Variants in WWOX observed in about 807,000 individuals in gnomAD.
The protein encoded by WWOX is WW domain-containing oxidoreductase.
WWOX carries 69 observed loss-of-function variants against 46.2 expected under a neutral mutation model. The ratio of observed to expected loss-of-function variants is 1.49; its 90% confidence interval spans 1.23 to 1.82. The LOEUF is 1.82. Ranked by LOEUF, WWOX falls within the 40% of genes most tolerant of loss-of-function variation. The pLI is 0.00. For missense variants in WWOX, 919 were observed against 542.6 expected, an observed-to-expected ratio of 1.69 and a Z score of -6.89; for synonymous variants, 359 against 202.6, an observed-to-expected ratio of 1.77 and a Z score of -6.56.
intron 8 of WWOX, among the ~76,000 whole-genome samples, chr16:78,689,077 A>G (rs12185154): frequency 0.36 from 54,570 of 151,706 alleles, 10,442 homozygotes; most frequent in African/African-American, 0.42. Context: ...AGGCTTGCAT[A>G]TGTCTTTATT....
intron 8 of WWOX, among the ~76,000 whole-genome samples, chr16:78,753,622 A>G (rs112079111): frequency 4.9e-4 from 74 of 151,500 alleles, no homozygotes; most frequent in African/African-American, 1.6e-3. Context: ...TAACATCATG[A>G]AATCCCATCT....
At chr16:78,826,960 C>G (rs2051674596) in intron 8 of WWOX, among the ~76,000 whole-genome samples, 1 of 152,260 alleles carries the variant, frequency 6.6e-6, no homozygotes, top group East Asian at 1.9e-4. Flanking sequence ...GAATATGTTT[C>G]TTCCTTGCCT....
chr16:78,537,253 G>C (rs2043781274), intron 8 of WWOX, among the ~76,000 whole-genome samples: 1 of 152,086 alleles, frequency 6.6e-6, no homozygotes, highest in Non-Finnish European at 1.5e-5. Flanking sequence ...TTGTCTGCCT[G>C]CCTCCCTGTC....
chr16:78,745,266 C>A (rs191455638), intron 8 of WWOX, among the ~76,000 whole-genome samples: 2 of 152,334 alleles, frequency 1.3e-5, no homozygotes, highest in African/African-American at 2.4e-5. Context: ...TTGAATCTTT[C>A]AGCAAGCTTT....
rs8046930 is a variant in WWOX, at chr16:79,094,666, A to G, written c.1057-116942A>G. 3.7e-3 allele frequency among the ~76,000 whole-genome samples: 561 copies of G among 152,210 alleles called. 3 individuals are homozygous for G. The highest frequency in any genetic ancestry group is 0.012 in the African/African-American group (506 of 41,518). Reference sequence around the variant, plus strand: ...TTTTTTTTTTAAGTTAGCATTTTCTAGAAGTTTTGGTATAAAATATGTACA... The same window carrying G: ...TTTTTTTTTTAAGTTAGCATTTTCTGGAAGTTTTGGTATAAAATATGTACA... On this transcript the variant is annotated intron_variant, in intron 8 of 8. Transcript: ENST00000566780.
chr16:78,775,664 G>A lies in WWOX; in HGVS notation c.1056+342912G>A, dbSNP rs564164993. Reference sequence around the variant, plus strand: ...TGTCTTTCTTATAGATGGGACAGGAGCCTTAGTAATATGGTGCGAGCAATG... The same window carrying A: ...TGTCTTTCTTATAGATGGGACAGGAACCTTAGTAATATGGTGCGAGCAATG... On this transcript the variant is annotated intron_variant, in intron 8 of 8. Coordinates refer to ENST00000566780, the MANE Select transcript of WWOX (RefSeq NM_016373.4). Among the ~76,000 whole-genome samples the A allele has an allele frequency of 9.9e-5, 15 of 152,282 alleles. No individual in the cohort carries two copies. In the South Asian group the frequency reaches 2.7e-3, roughly 27 times the overall value.
At chr16:78,756,919 G>T (rs1244540024) in intron 8 of WWOX, 2 of 702,992 alleles carry the variant, frequency 2.8e-6, no homozygotes, top group Admixed American at 2.0e-5. Flanking sequence ...CTGCCTTACT[G>T]ATGTGGATCA....
At chr16:79,005,940 A>C (rs1283838885) in intron 8 of WWOX, among the ~76,000 whole-genome samples, 3 of 152,132 alleles carry the variant, frequency 2.0e-5, no homozygotes, top group Non-Finnish European at 4.4e-5. Flanking sequence ...AAACCCATCC[A>C]TACTCTGGTT....
intron 8 of WWOX, among the ~76,000 whole-genome samples, chr16:78,860,228 A>T (rs114666879): frequency 2.0e-5 from 3 of 152,310 alleles, no homozygotes; most frequent in Admixed American, 2.0e-4. Flanking sequence ...TATTTATACT[A>T]TTTGTCAATT....
intron 5 of WWOX, among the ~76,000 whole-genome samples, chr16:78,321,217 C>A (rs56137328): frequency 0.22 from 31,207 of 144,672 alleles, 4,259 homozygotes; most frequent in East Asian, 0.37. Flanking sequence ...GAGTACCACC[C>A]ACTCCCTTGC....
intron 8 of WWOX, among the ~76,000 whole-genome samples, chr16:79,056,694 A>AGGGTCATGTCTCTT (rs2048268877): frequency 6.6e-6 from 1 of 152,170 alleles, no homozygotes. Context: ...CCCTCCATTA[A>AGGGTCATGTCTCTT]GGGTCATGTC....
At chr16:78,394,367 C>T (rs184566795) in intron 6 of WWOX, among the ~76,000 whole-genome samples, 1 of 152,074 alleles carries the variant, frequency 6.6e-6, no homozygotes, top group South Asian at 2.1e-4. Context: ...TTTGAAAAGT[C>T]TACAAGTTAA....
intron 8 of WWOX, among the ~76,000 whole-genome samples, chr16:79,178,162 C>G (rs540218039): frequency 6.6e-6 from 1 of 152,286 alleles, no homozygotes; most frequent in East Asian, 1.9e-4. Flanking sequence ...GGATGCAAAC[C>G]TTCAGACCAT....
chr16:78,588,367 A>G (rs1050447968), intron 8 of WWOX, among the ~76,000 whole-genome samples: 1 of 152,130 alleles, frequency 6.6e-6, no homozygotes, highest in African/African-American at 2.4e-5. Context: ...CCTTTGGTGA[A>G]ATATTGATTT....
intron 8 of WWOX, among the ~76,000 whole-genome samples, chr16:79,008,324 G>A (rs912665266): frequency 6.6e-6 from 1 of 152,266 alleles, no homozygotes; most frequent in East Asian, 1.9e-4. Flanking sequence ...CCTTTTAAGG[G>A]CCTAGCGATT....
chr16:78,976,228 T>C (rs1378638223), intron 8 of WWOX, among the ~76,000 whole-genome samples: 2 of 152,218 alleles, frequency 1.3e-5, no homozygotes, highest in Non-Finnish European at 2.9e-5. Context: ...TTTTTTTCCT[T>C]GCAAATCTCC....
intron 5 of WWOX, among the ~76,000 whole-genome samples, chr16:78,233,714 G>A (rs9927111): frequency 0.53 from 80,516 of 151,528 alleles, 21,777 homozygotes; most frequent in Admixed American, 0.68. Context: ...GTTTTAGTAG[G>A]GATGGGGTTT....
chr16:78,973,471 C>T (rs1053796224), intron 8 of WWOX, among the ~76,000 whole-genome samples: 1 of 152,190 alleles, frequency 6.6e-6, no homozygotes, highest in Non-Finnish European at 1.5e-5. Flanking sequence ...CTTAAAGTAT[C>T]TGCTGATTTC....
intron 8 of WWOX, among the ~76,000 whole-genome samples, chr16:78,880,080 G>A (rs139295839): frequency 2.6e-4 from 39 of 152,250 alleles, no homozygotes; most frequent in African/African-American, 8.7e-4. Flanking sequence ...TGATGATACC[G>A]TATGCAACTT....
Sources: gnomAD v4.1 joint callset for allele counts (sites outside exome capture counted in the v4.1 genomes callset) on GRCh38, gnomAD v4.1.1 for gene constraint, MANE v1.5 for transcripts, NCBI Gene and HGNC (gene_info 2026-07-23, HGNC 2026-07-21) for gene names.